The following RERG variants were observed in gnomAD, a reference collection of about 807,000 sequenced individuals.
The protein encoded by RERG is RAS like estrogen regulated growth inhibitor, also known as ras-related and estrogen-regulated growth inhibitor.
Under a neutral mutation model 23.2 loss-of-function variants are expected in RERG, and 25 were observed. That is an observed-to-expected ratio of 1.08 (90% CI 0.79 to 1.50). The LOEUF is 1.50. RERG is among the 40% of genes most tolerant of loss of function. The probability of loss-of-function intolerance (pLI) is 0.00; values close to 1 mark genes in which losing one functional copy is unlikely to be tolerated. For missense variants in RERG, 253 were observed against 250.1 expected, an observed-to-expected ratio of 1.01 and a Z score of -0.08; for synonymous variants, 81 against 89.1, an observed-to-expected ratio of 0.91 and a Z score of 0.51.
At chr12:15,140,275 G>A (rs1864215188) in intron 2 of RERG, among the ~76,000 whole-genome samples, 1 of 152,018 alleles carries the variant, frequency 6.6e-6, no homozygotes, top group Non-Finnish European at 1.5e-5. Context: ...CCATTTGGGG[G>A]TTAGCAAAAA....
At chr12:15,121,772 A>C (rs1191748034) in intron 2 of RERG, among the ~76,000 whole-genome samples, 2 of 152,164 alleles carry the variant, frequency 1.3e-5, no homozygotes, top group African/African-American at 4.8e-5. Flanking sequence ...AAACTGAGGC[A>C]CTGTGGGGTT....
At chr12:15,167,411 G>A (rs1325993115) in intron 2 of RERG, among the ~76,000 whole-genome samples, 1 of 152,188 alleles carries the variant, frequency 6.6e-6, no homozygotes, top group Non-Finnish European at 1.5e-5. Flanking sequence ...ATCACCTGGG[G>A]AGGGGCTTGT....
chr12:15,170,763 T>C lies in RERG; in HGVS notation c.61+46666A>G, dbSNP rs556493626. On this transcript the variant is annotated intron_variant, in intron 2 of 4. Transcript: ENST00000256953. ...TGCCACAGCTCTTGCATATACTGTA[T>C]CTCCTTCCAACTTAAGTTCCCAAAA... is the stretch of plus-strand genomic sequence containing the variant. Among the ~76,000 whole-genome samples the C allele has an allele frequency of 2.1e-3, 327 of 152,308 alleles. No individual in the cohort carries two copies. The South Asian group carries it at 0.022, about 10-fold the overall frequency.
rs536569679 is a variant in RERG, at chr12:15,196,128, T to TA, written c.61+21300_61+21301insT. Among the ~76,000 whole-genome samples, 18 of 152,288 alleles carry TA rather than the reference T, an allele frequency of 1.2e-4. No individual in the cohort carries two copies. The South Asian group carries it at 3.7e-3, about 32-fold the overall frequency. On this transcript the variant is annotated intron_variant, in intron 2 of 4. Transcript: ENST00000256953. ...TCTGAGAAAGGCATTTCTATTCCTC[T>TA]TCAAGTTTCCATGGGTAAGCTCTGC...
intron 2 of RERG, among the ~76,000 whole-genome samples, chr12:15,179,461 G>A (rs753855339): frequency 9.2e-5 from 14 of 152,120 alleles, no homozygotes; most frequent in Non-Finnish European, 1.9e-4. Context: ...TAAAAGATCT[G>A]TACCTGCTGG....
intron 2 of RERG, among the ~76,000 whole-genome samples, chr12:15,128,555 T>C (rs555045414): frequency 6.1e-4 from 93 of 152,334 alleles, no homozygotes; most frequent in African/African-American, 2.0e-3. Context: ...GTGGGTAATT[T>C]TGAATAGTAT....
At chr12:15,194,081 G>A (rs888644637) in intron 2 of RERG, among the ~76,000 whole-genome samples, 1 of 152,166 alleles carries the variant, frequency 6.6e-6, no homozygotes, top group Non-Finnish European at 1.5e-5. Flanking sequence ...TGAACTCTGT[G>A]CAAGAATTTA....
intron 2 of RERG, among the ~76,000 whole-genome samples, chr12:15,129,797 A>G (rs907445248): frequency 2.0e-5 from 3 of 152,104 alleles, no homozygotes; most frequent in African/African-American, 4.8e-5. Context: ...AGTAGCTCCT[A>G]TGTCACACTA....
intron 2 of RERG, among the ~76,000 whole-genome samples, chr12:15,213,458 T>C (rs1380928042): frequency 1.3e-5 from 2 of 152,110 alleles, no homozygotes; most frequent in Non-Finnish European, 2.9e-5. Flanking sequence ...CAAGAAAAGA[T>C]AGAAAGGGCT....
At chr12:15,109,649 A>G (rs1863567827) in intron 4 of RERG, 132 bp from the exon 5 acceptor site, 1 of 661,394 alleles carries the variant, frequency 1.5e-6, no homozygotes, top group East Asian at 2.7e-5. Flanking sequence ...TGGTACTCTA[A>G]TTGTACAAAC....
In RERG at chr12:15,166,037, T is replaced by C. The variant is rs945135078; in HGVS notation, c.62-44918A>G. ...GTATAATCATTATCACTACTAGAGA[T>C]AATTCAAAACCCTCATTTCCATATG... On this transcript the variant is annotated intron_variant, in intron 2 of 4. Coordinates refer to ENST00000256953, the MANE Select transcript of RERG (RefSeq NM_032918.3). Among the ~76,000 whole-genome samples the C allele has an allele frequency of 2.2e-4, 34 of 152,198 alleles. 1 individual carries two copies. Among genetic ancestry groups the C allele is most frequent in the Admixed American group, 1.7e-3 (26 of 15,286 alleles).
chr12:15,184,574 C>T (rs921719921), intron 2 of RERG, among the ~76,000 whole-genome samples: 7 of 152,132 alleles, frequency 4.6e-5, no homozygotes, highest in African/African-American at 1.7e-4. Flanking sequence ...CAGGAATGCA[C>T]TGAGATCCGG....
chr12:15,214,560 A>T (rs922418022), intron 2 of RERG, among the ~76,000 whole-genome samples: 1 of 152,240 alleles, frequency 6.6e-6, no homozygotes, highest in African/African-American at 2.4e-5. Context: ...TACCTATAAG[A>T]CTGATAAAGT....
intron 1 of RERG, among the ~76,000 whole-genome samples, chr12:15,219,644 T>C (rs1358322788): frequency 1.3e-5 from 2 of 152,232 alleles, no homozygotes; most frequent in African/African-American, 4.8e-5. Context: ...TGTGGAGATA[T>C]ATTAACTATT....
At chr12:15,164,629 A>G (rs1461903996) in intron 2 of RERG, among the ~76,000 whole-genome samples, 1 of 152,198 alleles carries the variant, frequency 6.6e-6, no homozygotes, top group Non-Finnish European at 1.5e-5. Flanking sequence ...ATTAGTTGCC[A>G]TACCCTGAGC....
intron 2 of RERG, among the ~76,000 whole-genome samples, chr12:15,148,847 GTTTTTTTTTTTTTTTTTTTTTTTT>G (rs56033971): frequency 1.3e-3 from 58 of 45,562 alleles, no homozygotes; most frequent in African/African-American, 3.2e-3. Flanking sequence ...CTTTAACTCT[GTTTTTTTTTTTTTTTTTTTTTTTT>G]TTTTTTTTTT....
chr12:15,156,022 A>C (rs1041040980), intron 2 of RERG, among the ~76,000 whole-genome samples: 15 of 150,206 alleles, frequency 1.0e-4, no homozygotes, highest in Non-Finnish European at 1.8e-4. Context: ...ATATTTATAA[A>C]TATTGATATA....
At chr12:15,198,495 T>C (rs1021036159) in intron 2 of RERG, among the ~76,000 whole-genome samples, 4 of 152,170 alleles carry the variant, frequency 2.6e-5, no homozygotes, top group African/African-American at 7.2e-5. Context: ...ATAGAATATG[T>C]TGATACTCAG....
At chr12:15,183,402 T>C (rs556466690) in intron 2 of RERG, among the ~76,000 whole-genome samples, 96 of 152,234 alleles carry the variant, frequency 6.3e-4, no homozygotes, top group African/African-American at 2.1e-3. Flanking sequence ...ATTAAAATAA[T>C]TTTGTATATA....
Sources: allele counts gnomAD v4.1 joint callset (sites outside exome capture counted in the v4.1 genomes callset), GRCh38; gene constraint gnomAD v4.1.1; transcripts MANE v1.5; gene names NCBI Gene and HGNC (gene_info 2026-07-23, HGNC 2026-07-21).